Variants in SLC38A10 observed in about 807,000 individuals in gnomAD.
SLC38A10 encodes solute carrier family 38 member 10.
A neutral mutation model predicts 81.0 loss-of-function variants in SLC38A10; 53 were observed. That is an observed-to-expected ratio of 0.65 (90% confidence interval 0.53 to 0.82). The LOEUF (loss-of-function observed/expected upper bound fraction) is 0.82, where lower values mean the gene tolerates loss of function less well. Among genes scored for constraint, SLC38A10 ranks in the 40% least tolerant of loss-of-function variants. The pLI is 0.00. For missense variants in SLC38A10, 1,471 were observed against 1,545.0 expected (o/e 0.95, Z 0.80); for synonymous variants, 665 against 655.3 (o/e 1.01, Z -0.23).
chr17:81,250,055 C>T (rs1181254243), intron 14 of SLC38A10: 2 of 1,288,456 alleles, frequency 1.6e-6, no homozygotes, highest in African/African-American at 3.0e-5. Context: ...TCAGCACACT[C>T]CTTTGGGTTC....
chr17:81,284,635 G>A (rs1191143395), intron 3 of SLC38A10, among the ~76,000 whole-genome samples: 1 of 152,154 alleles, frequency 6.6e-6, no homozygotes, highest in African/African-American at 2.4e-5. Context: ...TACAACTGAG[G>A]GAGGACTGTT....
At chr17:81,267,105 C>T (rs915925663) in intron 10 of SLC38A10, among the ~76,000 whole-genome samples, 1 of 152,126 alleles carries the variant, frequency 6.6e-6, no homozygotes, top group African/African-American at 2.4e-5. Context: ...TACGGAAGGG[C>T]AGACCAGCCA....
chr17:81,285,123 GTTC>G (rs1443332722), intron 2 of SLC38A10: 2 of 426,116 alleles, frequency 4.7e-6, no homozygotes, highest in Non-Finnish European at 8.5e-6. Context: ...CAGGAGGCAG[GTTC>G]TTCTTTCACT....
At chr17:81,256,464 C>A (rs907295602) in intron 11 of SLC38A10, among the ~76,000 whole-genome samples, 3 of 152,240 alleles carry the variant, frequency 2.0e-5, no homozygotes, top group African/African-American at 4.8e-5. Context: ...GGCTTGGACC[C>A]GCCATGGCTC....
At chr17:81,247,775 AG>A (rs2062867026) in intron 14 of SLC38A10, 1 of 151,948 alleles carries the variant, frequency 6.6e-6, no homozygotes. Context: ...CAGGAGGTCG[AG>A]GCTGCAGTGA....
chr17:81,250,995 G>A, intron 14 of SLC38A10: 1 of 1,371,166 alleles, frequency 7.3e-7, no homozygotes, highest in South Asian at 1.9e-5. Context: ...GAGGGTGTGG[G>A]AGCAGTGCTC....
chr17:81,246,055 G>A lies in SLC38A10; in HGVS notation c.2861C>T (p.Ala954Val). The A allele has an allele frequency of 6.2e-7, 1 of 1,609,766 alleles. No individual in the cohort carries two copies. The highest frequency in any genetic ancestry group is 8.5e-7 in the Non-Finnish European group (1 of 1,179,674). ...CCGCAGTTCCGGCTGGCGTAACACA[G>A]CCTGGGGCTGTGCAGCTGCTCCTTC... ...GAEGAAAQPQAVLRQPELRVI... is the reference protein window; with the variant it reads ...GAEGAAAQPQVVLRQPELRVI... The change falls in exon 16 of 16, where the codon GCT becomes GTT. Residue 954 changes from alanine (A) to valine (V), a missense_variant. Ala to Val is a moderately conservative substitution (Grantham distance 64). Around this residue, in one of 2 missense-constraint regions of SLC38A10, gnomAD observed 751 missense variants for 717.4 expected, o/e 1.05. Transcript: ENST00000374759.
chr17:81,248,950 TTTC>T (rs1281889258), intron 14 of SLC38A10, among the ~76,000 whole-genome samples: 4 of 152,210 alleles, frequency 2.6e-5, no homozygotes, highest in African/African-American at 4.8e-5. Flanking sequence ...GCACACCTCC[TTTC>T]ACAGGAGGAA....
At chr17:81,284,755 T>C (rs2063247682) in intron 3 of SLC38A10, 95 bp downstream of exon 3, 2 of 969,708 alleles carry the variant, frequency 2.1e-6, no homozygotes, top group Admixed American at 3.4e-5. Flanking sequence ...AAGTTACAGG[T>C]GAATCTGGGG....
intron 10 of SLC38A10, among the ~76,000 whole-genome samples, chr17:81,268,265 C>T (rs2056124838): frequency 6.6e-6 from 1 of 152,104 alleles, no homozygotes; most frequent in African/African-American, 2.4e-5. Context: ...GGATGAATGA[C>T]AATGTCACCC....
intron 8 of SLC38A10, among the ~76,000 whole-genome samples, chr17:81,274,241 A>G (rs2063141638): frequency 6.6e-6 from 1 of 152,282 alleles, no homozygotes; most frequent in East Asian, 1.9e-4. Flanking sequence ...AGAAGAGAGG[A>G]GCACCAGCAC....
At chr17:81,254,952 C>T (rs539044395) in intron 11 of SLC38A10, among the ~76,000 whole-genome samples, 80 of 152,362 alleles carry the variant, frequency 5.3e-4, no homozygotes, top group Admixed American at 8.5e-4. Flanking sequence ...AGGAAATCTC[C>T]GTTGTCATAG....
In SLC38A10 at chr17:81,271,035, G is replaced by T. The variant is rs201635634; in HGVS notation, c.1025-11C>A. 5.7e-5 allele frequency: 91 copies of T among 1,602,682 alleles called. No individual in the cohort carries two copies. The highest frequency in any genetic ancestry group is 7.3e-5 in the Non-Finnish European group (86 of 1,173,054). Reference sequence around the variant, plus strand: ...CCAGGATGGTCTCCACTAGGATGGAGAAGTGACAGGAAGGGATGAGTGGGG... The same window carrying T: ...CCAGGATGGTCTCCACTAGGATGGATAAGTGACAGGAAGGGATGAGTGGGG... On this transcript the variant is annotated splice_polypyrimidine_tract_variant and intron_variant, in intron 9 of 15. Coordinates refer to ENST00000374759, the MANE Select transcript of SLC38A10 (RefSeq NM_001037984.3).
rs781203406 is a variant in SLC38A10, at chr17:81,246,439, G to A, written c.2477C>T (p.Pro826Leu). The A allele has an allele frequency of 5.0e-6, 8 of 1,595,514 alleles. No homozygotes were observed. The highest frequency in any genetic ancestry group is 6.8e-6 in the Non-Finnish European group (8 of 1,171,420). The change falls in exon 16 of 16, where the codon CCT (proline) becomes CTT (leucine). Residue 826 changes from proline to leucine, a missense_variant. This residue lies in a region of SLC38A10 where 751 missense variants were observed against 717.4 expected (regional missense o/e 1.05). Coordinates refer to ENST00000374759, the MANE Select transcript of SLC38A10 (RefSeq NM_001037984.3). ...GPPDGGPDTE[P>L]RAAQAKLRDG... ...TCTCAGCTTGGCCTGGGCTGCCCGA[G>A]GCTCTGTGTCAGGGCCGCCGTCAGG...
intron 4 of SLC38A10, 84 bp from the exon 5 acceptor site, chr17:81,282,416 C>G: frequency 6.6e-7 from 1 of 1,518,164 alleles, no homozygotes; most frequent in Non-Finnish European, 8.9e-7. Flanking sequence ...AGTGGGAGCG[C>G]CCCGAGCCCG....
chr17:81,247,003 C>T lies in SLC38A10; in HGVS notation c.2124G>A (p.Gln708=), dbSNP rs578130330. ...CCAGCAAGCGCTTTTGCTGCACCTG[C>T]TGTTCTTTGATCACCTGAAGCAGGA... ...HAVLLQVIKE[Q]QVQQKRLLDQ... Residue 708 remains glutamine, a synonymous_variant, in exon 15 of 16, where the codon CAG becomes CAA. Transcript: ENST00000374759. 208 of 1,605,070 alleles carry T rather than the reference C, an allele frequency of 1.3e-4. 2 individuals carry two copies. The South Asian group carries it at 1.8e-3, about 14-fold the overall frequency.
intron 14 of SLC38A10, among the ~76,000 whole-genome samples, chr17:81,250,604 G>A (rs1370601438): frequency 6.6e-6 from 1 of 152,272 alleles, no homozygotes; most frequent in Non-Finnish European, 1.5e-5. Context: ...CCCTCTCAAT[G>A]CTGAGGCACA....
rs772916622 is a variant in SLC38A10, at chr17:81,284,840, C to T, written c.263+10G>A. ...GTGGGGGGCAAGCGCAGCGGCAGGG[C>T]GGGGCTTACCTGGTCTCCACCAGCA... On this transcript the variant is annotated intron_variant, in intron 3 of 15. Coordinates refer to ENST00000374759, the MANE Select transcript of SLC38A10 (RefSeq NM_001037984.3). 2.5e-5 allele frequency: 33 copies of T among 1,334,856 alleles called. No individual in the cohort carries two copies. Among genetic ancestry groups the T allele is most frequent in the South Asian group, 6.3e-5 (5 of 79,034 alleles). 82.7% of individuals were successfully genotyped at this position (1,334,856 alleles called of 1,614,324 possible).
chr17:81,260,708 C>G (rs1040497386), intron 10 of SLC38A10, among the ~76,000 whole-genome samples: 1 of 152,234 alleles, frequency 6.6e-6, no homozygotes, highest in South Asian at 2.1e-4. Context: ...TCCATGCCAG[C>G]TGGGGTCATG....
Sources: gnomAD v4.1 joint callset for allele counts (sites outside exome capture counted in the v4.1 genomes callset) on GRCh38, gnomAD v4.1.1 for gene constraint, gnomAD v4.1.1 regional missense constraint, MANE v1.5 for transcripts, NCBI Gene and HGNC (gene_info 2026-07-23, HGNC 2026-07-21) for gene names.